Variants in DYM observed in about 807,000 individuals in gnomAD.
DYM encodes dymeclin, also known as dyggve-Melchior-Clausen syndrome protein.
In DYM, 78 loss-of-function variants were observed where a neutral mutation model predicts 93.1. The observed-to-expected ratio is 0.84, with a 90% confidence interval of 0.70 to 1.01. The LOEUF is 1.01. Ranked by LOEUF, DYM falls within the 50% of genes least tolerant of loss-of-function variation. DYM has a pLI of 0.00. For synonymous variants in DYM, 321 were observed against 319.7 expected, an observed-to-expected ratio of 1.00 and a Z score of -0.04; for missense variants, 789 against 845.0, an observed-to-expected ratio of 0.93 and a Z score of 0.82.
intron 6 of DYM, among the ~76,000 whole-genome samples, chr18:49,355,012 A>G (rs2065419251): frequency 6.7e-6 from 1 of 149,844 alleles, no homozygotes; most frequent in African/African-American, 2.4e-5. Flanking sequence ...TATTTTAACC[A>G]TCATCCTTTG....
chr18:49,288,310 A>C (rs2059796791), intron 8 of DYM, among the ~76,000 whole-genome samples: 1 of 152,228 alleles, frequency 6.6e-6, no homozygotes, highest in Admixed American at 6.5e-5. Context: ...ATAAATAATT[A>C]GAAAATATAT....
At chr18:49,332,313 G>T (rs1396519799) in intron 7 of DYM, among the ~76,000 whole-genome samples, 1 of 152,130 alleles carries the variant, frequency 6.6e-6, no homozygotes, top group Non-Finnish European at 1.5e-5. Flanking sequence ...TGTTGCCCAG[G>T]CTGGTCTCAA....
intron 13 of DYM, among the ~76,000 whole-genome samples, chr18:49,217,148 G>A (rs2093102794): frequency 6.6e-6 from 1 of 152,202 alleles, no homozygotes; most frequent in African/African-American, 2.4e-5. Flanking sequence ...GGAAGAAAGG[G>A]TATCAGTGAT....
At position 49,118,787 on chromosome 18, in the gene DYM, C is replaced by T. The variant is rs138427861; in HGVS notation, c.1868G>A (p.Arg623Gln). The T allele has an allele frequency of 1.7e-3, 2,765 of 1,614,004 alleles. 1 individual carries two copies. The highest frequency in any genetic ancestry group is 2.2e-3 in the Non-Finnish European group (2,537 of 1,179,958). ...LYKRDLFEQF[R>Q]THPSFQDIMQ... ...TATATCCTGAAATGAAGGATGAGTT[C>T]GAAATTGTTCAAAGAGATCGCGTTT... The change falls in exon 16 of 18, where the codon CGA (arginine) becomes CAA (glutamine). Residue 623 changes from arginine (R) to glutamine (Q), a missense_variant. Around this residue, in one of 3 missense-constraint regions of DYM, gnomAD observed 225 missense variants for 303.0 expected, o/e 0.74. Coordinates refer to ENST00000675505, the MANE Select transcript of DYM (RefSeq NM_001353214.3).
chr18:49,313,389 G>C (rs546513928), intron 8 of DYM, among the ~76,000 whole-genome samples: 34 of 147,700 alleles, frequency 2.3e-4, no homozygotes, highest in Non-Finnish European at 4.5e-4. Flanking sequence ...CTTGAACCAG[G>C]GGGGCGGAGG....
chr18:49,317,209 C>A (rs1020182390), intron 8 of DYM, among the ~76,000 whole-genome samples: 1 of 151,658 alleles, frequency 6.6e-6, no homozygotes, highest in Non-Finnish European at 1.5e-5. Flanking sequence ...TAGAACTGCT[C>A]CAAAAAATAA....
chr18:49,331,112 C>G (rs944147004), intron 8 of DYM, among the ~76,000 whole-genome samples: 1 of 152,174 alleles, frequency 6.6e-6, no homozygotes, highest in Non-Finnish European at 1.5e-5. Flanking sequence ...TTCCATTTGA[C>G]TCTGTCCTGC....
chr18:49,290,341 C>T (rs919742523), intron 8 of DYM, among the ~76,000 whole-genome samples: 1 of 151,376 alleles, frequency 6.6e-6, no homozygotes, highest in Non-Finnish European at 1.5e-5. Context: ...CTTACCAAAC[C>T]ATATATGTAT....
chr18:49,326,684 T>C (rs1482448192), intron 8 of DYM, among the ~76,000 whole-genome samples: 8 of 152,318 alleles, frequency 5.3e-5, no homozygotes, highest in African/African-American at 1.9e-4. Flanking sequence ...TAGTGTAAGA[T>C]AGATAAATTG....
chr18:49,273,940 G>A (rs954853126), intron 10 of DYM, among the ~76,000 whole-genome samples: 1 of 151,264 alleles, frequency 6.6e-6, no homozygotes, highest in Non-Finnish European at 1.5e-5. Context: ...AAATAATAAT[G>A]TAAGAGTAAG....
chr18:49,192,530 G>A (rs936953714), intron 14 of DYM, among the ~76,000 whole-genome samples: 4 of 152,090 alleles, frequency 2.6e-5, no homozygotes, highest in Admixed American at 2.6e-4. Flanking sequence ...TGAAGACACT[G>A]TCCTTTCCTA....
chr18:49,290,586 GT>G (rs1269620410), intron 8 of DYM, among the ~76,000 whole-genome samples: 1 of 152,000 alleles, frequency 6.6e-6, no homozygotes, highest in Non-Finnish European at 1.5e-5. Flanking sequence ...CCATTAGTAT[GT>G]AGAATATGGG....
At chr18:49,244,167 A>G (rs1051139760) in intron 13 of DYM, among the ~76,000 whole-genome samples, 5 of 152,174 alleles carry the variant, frequency 3.3e-5, no homozygotes, top group African/African-American at 9.7e-5. Flanking sequence ...TCTCCTACTC[A>G]TTTAGAGGGT....
intron 1 of DYM, among the ~76,000 whole-genome samples, chr18:49,432,329 C>CAAAAAAAAAAA (rs11429840): frequency 5.3e-5 from 4 of 75,810 alleles, no homozygotes; most frequent in Non-Finnish European, 1.1e-4. Context: ...AAGACTGTCT[C>CAAAAAAAAAAA]AAAAAAAAAA....
At chr18:49,368,128 T>A (rs1029718255) in intron 5 of DYM, among the ~76,000 whole-genome samples, 4 of 152,242 alleles carry the variant, frequency 2.6e-5, no homozygotes, top group African/African-American at 9.6e-5. Context: ...TTGTGTCCTG[T>A]ACCATTCCAA....
At chr18:49,153,264 G>GA (rs1008012631) in intron 15 of DYM, among the ~76,000 whole-genome samples, 5 of 152,028 alleles carry the variant, frequency 3.3e-5, no homozygotes, top group Non-Finnish European at 2.9e-5. Context: ...ATAAACCTGG[G>GA]AAAAAAATCG....
At chr18:49,267,093 CT>C (rs1423979236) in intron 11 of DYM, among the ~76,000 whole-genome samples, 1 of 151,640 alleles carries the variant, frequency 6.6e-6, no homozygotes, top group Non-Finnish European at 1.5e-5. Context: ...AAAGTTTTAA[CT>C]TTTTTAAAAA....
intron 13 of DYM, among the ~76,000 whole-genome samples, chr18:49,231,739 T>C (rs1285529002): frequency 6.6e-6 from 1 of 152,202 alleles, no homozygotes; most frequent in East Asian, 1.9e-4. Flanking sequence ...CCAACTCTAA[T>C]GAAATAAACA....
At chr18:49,212,370 T>C (rs1329366458) in intron 13 of DYM, among the ~76,000 whole-genome samples, 4 of 152,190 alleles carry the variant, frequency 2.6e-5, no homozygotes, top group Admixed American at 1.3e-4. Flanking sequence ...GGACATCATG[T>C]CTGTAAACTT....
Sources: allele counts gnomAD v4.1 joint callset (sites outside exome capture counted in the v4.1 genomes callset), GRCh38; gene constraint gnomAD v4.1.1; regional missense constraint gnomAD v4.1.1; transcripts MANE v1.5; gene names NCBI Gene and HGNC (gene_info 2026-07-23, HGNC 2026-07-21).